The following HOXC5 variants were observed in gnomAD, a reference collection of about 807,000 sequenced individuals.
HOXC5 encodes homeobox protein Hox-C5.
Under a neutral mutation model 20.1 loss-of-function variants are expected in HOXC5, and 19 were observed. That is an observed-to-expected ratio of 0.94 (90% CI 0.66 to 1.38). HOXC5 has a LOEUF of 1.38. Ranked by LOEUF, HOXC5 falls within the 40% of genes most tolerant of loss-of-function variation. The probability of loss-of-function intolerance (pLI) is 0.00; values close to 1 mark genes in which losing one functional copy is unlikely to be tolerated. For missense variants in HOXC5, 330 were observed against 300.1 expected (o/e 1.10, Z -0.74); for synonymous variants, 124 against 117.0 (o/e 1.06, Z -0.39).
chr12:54,024,074 G>A, the HOXC5 span, among the ~76,000 whole-genome samples: 1 of 152,206 alleles, frequency 6.6e-6, no homozygotes, highest in African/African-American at 2.4e-5. Flanking sequence ...CTGAGCAGTC[G>A]CTCCAGAACA....
the HOXC5 span, among the ~76,000 whole-genome samples, chr12:54,025,541 G>C: frequency 8.9e-6 from 1 of 112,110 alleles, no homozygotes; most frequent in African/African-American, 3.1e-5. Context: ...GGGGGGGGAG[G>C]TGTTGAAAAT....
rs780385728 is a variant in HOXC5 at position 54,033,938 on chromosome 12, G to T, written c.455-340G>T. 47 of 497,268 alleles carry T rather than the reference G, an allele frequency of 9.5e-5. 1 individual carries two copies. The East Asian group carries it at 2.0e-3, about 21-fold the overall frequency. 30.8% of individuals were successfully genotyped at this position (497,268 alleles called of 1,614,324 possible). ...CTCCGCCGGCGCTTGCGGCTCCGGAGGATTCCAGCGACTCGGGAGGGGCGG... is the reference window on the plus strand; with the variant it reads ...CTCCGCCGGCGCTTGCGGCTCCGGATGATTCCAGCGACTCGGGAGGGGCGG... On this transcript the variant is annotated intron_variant, in intron 1 of 1. Coordinates refer to ENST00000312492, the MANE Select transcript of HOXC5 (RefSeq NM_018953.4).
At chr12:54,030,472 C>T (rs1249077), upstream of HOXC5, 16,110 of 152,982 alleles carry the variant, frequency 0.11, 1,169 homozygotes, top group Non-Finnish European at 0.17. Context: ...CCTGCCTAGC[C>T]CCTCTGCCCC....
In HOXC5 at chr12:54,033,152, T is replaced by C. The variant is rs1382248965; in HGVS notation, c.30T>C (p.Tyr10=). The C allele has an allele frequency of 1.2e-6, 2 of 1,613,440 alleles. No individual in the cohort carries two copies. The highest frequency in any genetic ancestry group is 8.5e-7 in the Non-Finnish European group (1 of 1,179,360). MSSYVANSF[Y]KQSPNIPAYN... Reference sequence around the variant, plus strand: ...GCTCCTACGTAGCCAATTCATTCTATAAGCAGAGCCCCAATATCCCTGCCT... The same window carrying C: ...GCTCCTACGTAGCCAATTCATTCTACAAGCAGAGCCCCAATATCCCTGCCT... The change falls in exon 1 of 2, where the codon TAT becomes TAC. Residue 10 remains tyrosine (Y), a synonymous_variant. Transcript: ENST00000312492.
chr12:54,017,125 C>G, the HOXC5 span: 1 of 152,146 alleles, frequency 6.6e-6, no homozygotes, highest in African/African-American at 2.4e-5. Context: ...CCTCTGGCCC[C>G]CAAGGGGCAG....
chr12:54,029,505 G>A (rs532334840), upstream of HOXC5: 2 of 711,016 alleles, frequency 2.8e-6, no homozygotes, highest in South Asian at 2.1e-5. Flanking sequence ...CCCAGTGGGG[G>A]TGGGGCAAGG....
chr12:54,033,367 CG>C lies in HOXC5; in HGVS notation c.248del (p.Gly83AspfsTer12). The stretch of plus-strand genomic sequence containing the variant: ...CCCGCCTGCAGCGCCGCGGCCGCTC[CG>C]GGACACGCTCCGGGCAGAGACGAAG... ...DRPACSAAAA[P>X]GHAPGRDEAA... On this transcript the variant is annotated frameshift_variant, in exon 1 of 2. Coordinates refer to ENST00000312492, the MANE Select transcript of HOXC5 (RefSeq NM_018953.4). LOFTEE classifies it high-confidence loss of function. 6.2e-7 allele frequency: 1 copy of C among 1,612,778 alleles called. No homozygotes were observed. The highest frequency in any genetic ancestry group is 8.5e-7 in the Non-Finnish European group (1 of 1,179,392).
intron 1 of HOXC5, chr12:54,033,853 G>C (rs1000396997): frequency 1.9e-6 from 1 of 518,918 alleles, no homozygotes; most frequent in Non-Finnish European, 3.5e-6. Flanking sequence ...GGTGAGGAGC[G>C]CGGGGCTCCA....
chr12:54,029,928 G>A, upstream of HOXC5: 1 of 1,601,266 alleles, frequency 6.2e-7, no homozygotes, highest in Non-Finnish European at 8.5e-7. Context: ...GAGGAAAAGC[G>A]GGAAGAGACA....
upstream of HOXC5, chr12:54,029,585 G>T (rs746274640): frequency 6.6e-7 from 1 of 1,517,884 alleles, no homozygotes; most frequent in South Asian, 1.2e-5. Context: ...TCAGGACTTT[G>T]CTAGGCGAAA....
chr12:54,017,926 C>G, the HOXC5 span, among the ~76,000 whole-genome samples: 8 of 152,232 alleles, frequency 5.3e-5, no homozygotes, highest in African/African-American at 1.9e-4. Flanking sequence ...TCCCAGAGAG[C>G]GCGACTGCTA....
chr12:54,026,847 ATTG>A, the HOXC5 span, among the ~76,000 whole-genome samples: 2 of 151,946 alleles, frequency 1.3e-5, no homozygotes, highest in Non-Finnish European at 2.9e-5. Flanking sequence ...TTATGGCTTT[ATTG>A]CTACCCATTG....
Position 54,033,447 on chromosome 12 carries a change from G to A in HOXC5, c.325G>A (p.Glu109Lys), listed in dbSNP as rs1410251685. Residue 109 changes from glutamate (E) to lysine (K), a missense_variant, in exon 1 of 2, where the codon GAG becomes AAG. Physicochemically the swap from Glu to Lys is moderately conservative, Grantham distance 56. Coordinates refer to ENST00000312492, the MANE Select transcript of HOXC5 (RefSeq NM_018953.4). Reference protein sequence around the residue: ...YSQKAARPALEERAKSSGEIK... With the variant: ...YSQKAARPALKERAKSSGEIK... ...TCAGAAGGCGGCTCGCCCGGCGCTG[G>A]AGGAGCGAGCTAAGAGCAGTGGGGA... 2 of 1,600,496 alleles carry A rather than the reference G, an allele frequency of 1.2e-6. No homozygotes were observed. The highest frequency in any genetic ancestry group is 2.3e-5 in the East Asian group (1 of 44,410).
chr12:54,019,316 G>C, the HOXC5 span, among the ~76,000 whole-genome samples: 1 of 152,124 alleles, frequency 6.6e-6, no homozygotes, highest in Non-Finnish European at 1.5e-5. Context: ...AGGCTGCCGC[G>C]CGCTCTCCCG....
upstream of HOXC5, chr12:54,028,731 T>C (rs1160353715): frequency 1.2e-6 from 2 of 1,614,018 alleles, no homozygotes; most frequent in East Asian, 4.5e-5. Context: ...GGGGGCCGTA[T>C]GACTATGGAT....
chr12:54,017,648 G>T, the HOXC5 span, among the ~76,000 whole-genome samples: 2 of 152,232 alleles, frequency 1.3e-5, no homozygotes, highest in Non-Finnish European at 1.5e-5. Flanking sequence ...TGCCAAGTTG[G>T]GGGTGGGGAG....
chr12:54,027,796 G>A, the HOXC5 span, among the ~76,000 whole-genome samples: 1 of 152,142 alleles, frequency 6.6e-6, no homozygotes, highest in Non-Finnish European at 1.5e-5. Context: ...CTGAAGTCTT[G>A]CCCCTTTAGA....
rs779110369 is a variant in HOXC5 at position 54,033,967 on chromosome 12, G to A, written c.455-311G>A. ...TCCAGCGACTCGGGAGGGGCGGGAG[G>A]GGGGTCCCCGGTGCTCGGATCTCGA... On this transcript the variant is annotated intron_variant, in intron 1 of 1. Coordinates refer to ENST00000312492, the MANE Select transcript of HOXC5 (RefSeq NM_018953.4). 58 of 546,176 alleles carry A rather than the reference G, an allele frequency of 1.1e-4. 1 individual carries two copies. The highest frequency in any genetic ancestry group is 1.7e-4 in the Non-Finnish European group (49 of 285,842). The allele number at this position is 546,176 out of a possible 1,614,324, so 33.8% of individuals were successfully genotyped here.
At chr12:54,032,237 T>C (rs1420270654), upstream of HOXC5, among the ~76,000 whole-genome samples, 3 of 152,180 alleles carry the variant, frequency 2.0e-5, no homozygotes, top group Non-Finnish European at 4.4e-5. Context: ...ACCTGGCTCC[T>C]CACCTCCAGA....
Sources: allele counts gnomAD v4.1 joint callset (sites outside exome capture counted in the v4.1 genomes callset), GRCh38; gene constraint gnomAD v4.1.1; transcripts MANE v1.5; gene names NCBI Gene and HGNC (gene_info 2026-07-23, HGNC 2026-07-21).